The following ANK3 variants were observed in gnomAD, a reference collection of about 807,000 sequenced individuals.
The protein encoded by ANK3 is ankyrin 3, also known as ankyrin-3.
In ANK3, 57 loss-of-function variants were observed where a neutral mutation model predicts 370.9. That is an observed-to-expected ratio of 0.15 (90% CI 0.12 to 0.19). ANK3 has a LOEUF of 0.19. Ranked by LOEUF, ANK3 falls within the 10% of genes least tolerant of loss-of-function variation. ANK3 has a pLI of 1.00. For missense variants in ANK3, 4,439 were observed against 5,302.1 expected, an observed-to-expected ratio of 0.84 and a Z score of 5.06; for synonymous variants, 1,929 against 1,946.3, an observed-to-expected ratio of 0.99 and a Z score of 0.23.
At chr10:60,588,585 T>A (rs1411417724) in intron 2 of ANK3, among the ~76,000 whole-genome samples, 1 of 151,958 alleles carries the variant, frequency 6.6e-6, no homozygotes, top group African/African-American at 2.4e-5. Flanking sequence ...ATCTAAACTG[T>A]GAGAAATTCT....
At chr10:60,059,504 C>A in intron 40 of ANK3, 74 bp from the exon 41 acceptor site, 1 of 1,332,070 alleles carries the variant, frequency 7.5e-7, no homozygotes, top group Non-Finnish European at 1.1e-6. Context: ...CTTCTGTCAT[C>A]TCCTCAGACT....
At chr10:60,586,876 G>T (rs1370150103) in intron 2 of ANK3, among the ~76,000 whole-genome samples, 2 of 152,142 alleles carry the variant, frequency 1.3e-5, no homozygotes, top group African/African-American at 4.8e-5. Flanking sequence ...GCCACTAGGG[G>T]TTACGGCAGC....
At chr10:60,032,378 T>C (rs564538030) in intron 43 of ANK3, among the ~76,000 whole-genome samples, 1 of 151,972 alleles carries the variant, frequency 6.6e-6, no homozygotes, top group South Asian at 2.1e-4. Flanking sequence ...GGCTAATTTT[T>C]TGTATTTTTA....
intron 41 of ANK3, 66 bp from the exon 42 acceptor site, chr10:60,056,102 A>G (rs1035821885): frequency 4.0e-6 from 6 of 1,509,928 alleles, no homozygotes; most frequent in East Asian, 2.3e-5. Flanking sequence ...CAGAAACTCT[A>G]AAGTTTTAAG....
chr10:60,172,975 T>A lies in ANK3; in HGVS notation c.2307A>T (p.Gln769His). Residue 769 changes from glutamine to histidine, a missense_variant, in exon 20 of 44, where the codon CAA (glutamine) becomes CAT (histidine). By Grantham distance (24) the Gln-to-His change is conservative. Coordinates refer to ENST00000280772, the MANE Select transcript of ANK3 (RefSeq NM_020987.5). Reference sequence around the variant, plus strand: ...TATGCGTATGCCCCTGCTGTGCTGCTTGATGTAATGGCGTATACCCATTCT... The same window carrying A: ...TATGCGTATGCCCCTGCTGTGCTGCATGATGTAATGGCGTATACCCATTCT... ...KTKNGYTPLH[Q>H]AAQQGHTHII... 1 of 1,613,808 alleles carries A rather than the reference T, an allele frequency of 6.2e-7. No homozygotes were observed. Among genetic ancestry groups the A allele is most frequent in the South Asian group, 1.1e-5 (1 of 91,054 alleles).
rs1397736099 is a variant in ANK3 at position 60,469,665 on chromosome 10, ATATATATATATATATG to A, written c.96+145505_96+145520del. ...TATATATATATATATGGTGGTATAT[ATATATATATATATATG>A]GTGGTATATATATATAGTGGTCCTA... is the stretch of plus-strand genomic sequence containing the variant. On this transcript the variant is annotated intron_variant, in intron 2 of 43. Transcript: ENST00000373827. Among the ~76,000 whole-genome samples, 632 of 95,934 alleles carry A rather than the reference ATATATATATATATATG, an allele frequency of 6.6e-3. 181 individuals are homozygous for A. The highest frequency in any genetic ancestry group is 0.032 in the Middle Eastern group (5 of 156). 62.9% of individuals were successfully genotyped at this position (95,934 alleles called of 152,430 possible).
chr10:60,057,995 G>A (rs1564670172), intron 41 of ANK3, among the ~76,000 whole-genome samples: 1 of 152,128 alleles, frequency 6.6e-6, no homozygotes, highest in African/African-American at 2.4e-5. Context: ...ATAAAATATG[G>A]TTATGAAATA....
At chr10:60,218,097 C>CTTTTTTTTTTTTTTTTT (rs199989242) in intron 8 of ANK3, among the ~76,000 whole-genome samples, 12 of 126,122 alleles carry the variant, frequency 9.5e-5, no homozygotes, top group Non-Finnish European at 1.6e-4. Flanking sequence ...CTTTTTCTTT[C>CTTTTTTTTTTTTTTTTT]TTTTTTTTTT....
chr10:60,706,485 C>T (rs2079619102), intron 1 of ANK3, among the ~76,000 whole-genome samples: 1 of 152,020 alleles, frequency 6.6e-6, no homozygotes, highest in Non-Finnish European at 1.5e-5. Context: ...GTGATAAGCT[C>T]TCTCACCAAT....
intron 1 of ANK3, among the ~76,000 whole-genome samples, chr10:60,616,180 A>G (rs2078265479): frequency 6.6e-6 from 1 of 152,164 alleles, no homozygotes; most frequent in Non-Finnish European, 1.5e-5. Context: ...TGAGCTTCCA[A>G]TAAAGAAAAA....
At chr10:60,195,738 A>G (rs2096576690) in intron 16 of ANK3, among the ~76,000 whole-genome samples, 1 of 152,248 alleles carries the variant, frequency 6.6e-6, no homozygotes, top group African/African-American at 2.4e-5. Context: ...ACACACATGT[A>G]AAACCTCTCA....
intron 1 of ANK3, among the ~76,000 whole-genome samples, chr10:60,640,493 T>C (rs1365446835): frequency 6.6e-5 from 9 of 136,496 alleles, no homozygotes; most frequent in Non-Finnish European, 9.5e-5. Context: ...TATATGCAAA[T>C]CAATAAATGT....
intron 24 of ANK3, among the ~76,000 whole-genome samples, chr10:60,137,011 C>T (rs991880777): frequency 4.1e-4 from 63 of 152,066 alleles, no homozygotes; most frequent in African/African-American, 1.3e-3. Context: ...AAAACAGAAA[C>T]CAGCAAACAA....
At chr10:60,360,726 C>T (rs541904422) in intron 1 of ANK3, among the ~76,000 whole-genome samples, 2 of 152,196 alleles carry the variant, frequency 1.3e-5, no homozygotes, top group African/African-American at 2.4e-5. Flanking sequence ...AAAATACTCT[C>T]TTTTCCTTCT....
At chr10:60,175,940 T>C (rs758642572) in intron 18 of ANK3, among the ~76,000 whole-genome samples, 13 of 152,192 alleles carry the variant, frequency 8.5e-5, no homozygotes, top group Non-Finnish European at 1.6e-4. Context: ...GTCTGACACA[T>C]AGGGTTAGCT....
At chr10:60,615,246 C>G in intron 1 of ANK3, 1 of 1,500,444 alleles carries the variant, frequency 6.7e-7, no homozygotes, top group South Asian at 1.3e-5. Flanking sequence ...AAGAAACAAA[C>G]ATTTAGCAAA....
chr10:60,269,802 C>T (rs1333384973), intron 5 of ANK3, among the ~76,000 whole-genome samples: 1 of 152,012 alleles, frequency 6.6e-6, no homozygotes. Context: ...TAGTTCACAT[C>T]AATTACTCCA....
At chr10:60,709,827 CAA>C (rs370504421) in intron 1 of ANK3, among the ~76,000 whole-genome samples, 15 of 71,412 alleles carry the variant, frequency 2.1e-4, no homozygotes, top group African/African-American at 2.2e-4. Context: ...GACCCCATCT[CAA>C]AAAAAAAAAA....
chr10:60,186,347 C>CTCTCTCT (rs565262395), intron 17 of ANK3, among the ~76,000 whole-genome samples: 1 of 133,270 alleles, frequency 7.5e-6, no homozygotes, highest in South Asian at 2.4e-4. Context: ...ATCTTTCTGT[C>CTCTCTCT]TTTTTTTTTT....
Sources: allele counts gnomAD v4.1 joint callset (sites outside exome capture counted in the v4.1 genomes callset), GRCh38; gene constraint gnomAD v4.1.1; transcripts MANE v1.5; gene names NCBI Gene and HGNC (gene_info 2026-07-23, HGNC 2026-07-21).